ANKRD12: variants seen among roughly 807,000 people sequenced by gnomAD.
The protein encoded by ANKRD12 is ankyrin repeat domain 12.
In ANKRD12, 85 loss-of-function variants were observed where a neutral mutation model predicts 183.4. The observed-to-expected ratio is 0.46, with a 90% confidence interval of 0.39 to 0.56. The LOEUF is 0.56. ANKRD12 is among the 20% of genes least tolerant of loss of function. The probability of loss-of-function intolerance (pLI) is 0.00; values close to 1 mark genes in which losing one functional copy is unlikely to be tolerated. For missense variants in ANKRD12, 2,405 were observed against 2,357.1 expected, an observed-to-expected ratio of 1.02 and a Z score of -0.42; for synonymous variants, 914 against 800.2, an observed-to-expected ratio of 1.14 and a Z score of -2.40.
intron 8 of ANKRD12, among the ~76,000 whole-genome samples, chr18:9,243,265 C>G (rs1440080246): frequency 1.3e-5 from 2 of 152,128 alleles, no homozygotes; most frequent in Non-Finnish European, 2.9e-5. Flanking sequence ...GTGAAATGTT[C>G]CTCCCAATGA....
intron 11 of ANKRD12, among the ~76,000 whole-genome samples, chr18:9,279,308 G>A (rs1270195060): frequency 6.6e-6 from 1 of 152,106 alleles, no homozygotes; most frequent in Non-Finnish European, 1.5e-5. Flanking sequence ...TTGACTTAGA[G>A]CAATAGGAAT....
At chr18:9,222,460 ATTTC>A (rs1003172465) in intron 8 of ANKRD12, among the ~76,000 whole-genome samples, 3 of 150,084 alleles carry the variant, frequency 2.0e-5, no homozygotes, top group East Asian at 2.0e-4. Flanking sequence ...GGGAAGGACA[ATTTC>A]TTTCTTTTTT....
chr18:9,224,807 T>C (rs2036616045), intron 8 of ANKRD12, among the ~76,000 whole-genome samples: 2 of 152,216 alleles, frequency 1.3e-5, no homozygotes, highest in South Asian at 4.1e-4. Context: ...GAGAAATAAT[T>C]TTTAAAGTTT....
At position 9,230,355 on chromosome 18, in the gene ANKRD12, A is replaced by G. The variant is rs528925526; in HGVS notation, c.943+8356A>G. Among the ~76,000 whole-genome samples, 28 of 150,358 alleles carry G rather than the reference A, an allele frequency of 1.9e-4. No homozygotes were observed. The South Asian group carries it at 5.7e-3, about 31-fold the overall frequency. The stretch of plus-strand genomic sequence containing the variant: ...CTTTTTTATTTCTGATTTTGTTTGG[A>G]TCTCCTTTCTTCTTAGTTAGTCTAG... On this transcript the variant is annotated intron_variant, in intron 8 of 12. Coordinates refer to ENST00000262126, the MANE Select transcript of ANKRD12 (RefSeq NM_015208.5).
intron 1 of ANKRD12, among the ~76,000 whole-genome samples, chr18:9,140,345 T>C (rs539687002): frequency 6.6e-6 from 1 of 152,326 alleles, no homozygotes; most frequent in African/African-American, 2.4e-5. Flanking sequence ...TCTTCTGCTG[T>C]TTTACAGATA....
At chr18:9,224,607 C>T (rs2036605887) in intron 8 of ANKRD12, among the ~76,000 whole-genome samples, 1 of 152,092 alleles carries the variant, frequency 6.6e-6, no homozygotes, top group Non-Finnish European at 1.5e-5. Context: ...TGGCACCATA[C>T]ACTGTTGTTG....
chr18:9,268,014 C>T (rs1010164805), intron 10 of ANKRD12, among the ~76,000 whole-genome samples: 3 of 152,218 alleles, frequency 2.0e-5, no homozygotes, highest in South Asian at 2.1e-4. Flanking sequence ...CTGGAATTAT[C>T]TAGAAGAAAT....
chr18:9,280,216 T>G lies in ANKRD12; in HGVS notation c.6003+572T>G, dbSNP rs1385622344. ...CAGATCATCAGACATTAGATTCTCATAAGGAGCATGCAACCTAGAACCCTC... is the reference window on the plus strand; with the variant it reads ...CAGATCATCAGACATTAGATTCTCAGAAGGAGCATGCAACCTAGAACCCTC... On this transcript the variant is annotated intron_variant, in intron 12 of 12. Coordinates refer to ENST00000262126, the MANE Select transcript of ANKRD12 (RefSeq NM_015208.5). Among the ~76,000 whole-genome samples the G allele has an allele frequency of 3.3e-5, 5 of 152,156 alleles. 1 individual carries two copies. The South Asian group carries it at 8.3e-4, about 25-fold the overall frequency.
chr18:9,192,812 G>A lies in ANKRD12; in HGVS notation c.88-2739G>A, dbSNP rs146282047. On this transcript the variant is annotated intron_variant, in intron 2 of 12. Coordinates refer to ENST00000262126, the MANE Select transcript of ANKRD12 (RefSeq NM_015208.5). ...GCCTTCTGCCTCAGCCTCCCGAGTA[G>A]CTGGGACTACAGGTGTGTGCCATTG... Among the ~76,000 whole-genome samples, 1,423 of 151,728 alleles carry A rather than the reference G, an allele frequency of 9.4e-3. 22 individuals are homozygous for A. Among genetic ancestry groups the A allele is most frequent in the African/African-American group, 0.033 (1,347 of 41,334 alleles).
intron 2 of ANKRD12, among the ~76,000 whole-genome samples, chr18:9,194,636 G>T (rs1008264408): frequency 1.3e-5 from 2 of 152,104 alleles, no homozygotes; most frequent in South Asian, 2.1e-4. Flanking sequence ...GGATTAACAG[G>T]CATGAGCCAC....
intron 8 of ANKRD12, among the ~76,000 whole-genome samples, chr18:9,248,043 C>T (rs2038066645): frequency 1.3e-5 from 2 of 152,214 alleles, no homozygotes; most frequent in Admixed American, 1.3e-4. Flanking sequence ...CCACGTCGGC[C>T]TCCCAAAGTG....
intron 10 of ANKRD12, among the ~76,000 whole-genome samples, chr18:9,271,128 G>T (rs930013544): frequency 2.6e-5 from 4 of 152,110 alleles, no homozygotes; most frequent in Non-Finnish European, 5.9e-5. Context: ...GCTGGCAGTG[G>T]TGTGATCATC....
At chr18:9,211,526 A>T in intron 5 of ANKRD12, 58 bp from the exon 6 acceptor site, 1 of 1,452,616 alleles carries the variant, frequency 6.9e-7, no homozygotes, top group Non-Finnish European at 9.5e-7. Flanking sequence ...AAAAACATTT[A>T]AATAAGTATA....
At chr18:9,279,096 ATGAGAAAGAATTTCT>A (rs2039989884) in intron 11 of ANKRD12, among the ~76,000 whole-genome samples, 1 of 674 alleles carries the variant, frequency 1.5e-3, no homozygotes, top group African/African-American at 5.2e-3. Flanking sequence ...GAATTTCTTC[ATGAGAAAGAATTTCT>A]TCATGAGCAC....
At chr18:9,171,889 A>G (rs2032764383) in intron 1 of ANKRD12, among the ~76,000 whole-genome samples, 1 of 151,946 alleles carries the variant, frequency 6.6e-6, no homozygotes, top group South Asian at 2.1e-4. Flanking sequence ...GTGTGGTGGC[A>G]TACACCTGTA....
chr18:9,283,741 AAG>A lies in ANKRD12; in HGVS notation c.*2618_*2619del, dbSNP rs1245362122. On this transcript the variant is annotated 3_prime_UTR_variant, in exon 13 of 13. Transcript: ENST00000262126. Reference sequence around the variant, plus strand: ...TGATATTTGTGCATGTTATTTAATAAAGAGTTATATTTTTATAGAAAAAAAGA... The same window carrying A: ...TGATATTTGTGCATGTTATTTAATAAAGTTATATTTTTATAGAAAAAAAGA... The A allele has an allele frequency of 4.6e-5, 7 of 152,616 alleles. No homozygotes were observed. Among genetic ancestry groups the A allele is most frequent in the African/African-American group, 1.4e-4 (6 of 41,448 alleles). The allele number at this position is 152,616 out of a possible 1,614,324, so 9.5% of individuals were successfully genotyped here. A position where few individuals can be genotyped will look rare whatever the true frequency, so the allele number is the denominator to read the frequency against.
chr18:9,137,521 C>T (rs1004828571), intron 1 of ANKRD12: 2 of 147,976 alleles, frequency 1.4e-5, no homozygotes, highest in African/African-American at 2.4e-5. Context: ...CGCGTTCCCG[C>T]CGCCAGCCGC....
chr18:9,222,350 C>G (rs1328945338), intron 8 of ANKRD12, among the ~76,000 whole-genome samples: 1 of 152,156 alleles, frequency 6.6e-6, no homozygotes, highest in East Asian at 1.9e-4. Flanking sequence ...GAGCTACTAA[C>G]CAAACACTTC....
At chr18:9,190,539 C>G (rs1598500162) in intron 2 of ANKRD12, among the ~76,000 whole-genome samples, 1 of 152,106 alleles carries the variant, frequency 6.6e-6, no homozygotes, top group African/African-American at 2.4e-5. Flanking sequence ...TGGGTAAGTG[C>G]TATCAACAGC....
Sources: gnomAD v4.1 joint callset for allele counts (sites outside exome capture counted in the v4.1 genomes callset) on GRCh38, gnomAD v4.1.1 for gene constraint, MANE v1.5 for transcripts, NCBI Gene and HGNC (gene_info 2026-07-23, HGNC 2026-07-21) for gene names.